Variants in RIMS1 observed in about 807,000 individuals in gnomAD.
The protein encoded by RIMS1 is regulating synaptic membrane exocytosis protein 1.
Under a neutral mutation model 214.1 loss-of-function variants are expected in RIMS1, and 83 were observed. The observed-to-expected ratio is 0.39, with a 90% CI of 0.32 to 0.47. RIMS1 has a LOEUF of 0.47. RIMS1 is among the 20% of genes least tolerant of loss of function. RIMS1 has a pLI of 0.99. For synonymous variants in RIMS1, 793 were observed against 786.8 expected (o/e 1.01, Z -0.13); for missense variants, 2,050 against 2,161.8 (o/e 0.95, Z 1.03).
chr6:71,992,015 G>T (rs1446632819), intron 2 of RIMS1, among the ~76,000 whole-genome samples: 1 of 151,936 alleles, frequency 6.6e-6, no homozygotes, highest in Non-Finnish European at 1.5e-5. Flanking sequence ...AGTGAGCTGA[G>T]ATCACGCCAC....
At chr6:72,357,206 G>C (rs566666647) in intron 29 of RIMS1, among the ~76,000 whole-genome samples, 3 of 152,190 alleles carry the variant, frequency 2.0e-5, no homozygotes, top group Non-Finnish European at 2.9e-5. Context: ...TAACCTTGCA[G>C]GTTTGGGGTG....
At chr6:72,162,999 A>T (rs1204953950) in intron 4 of RIMS1, among the ~76,000 whole-genome samples, 2 of 131,106 alleles carry the variant, frequency 1.5e-5, no homozygotes, top group African/African-American at 5.0e-5. Flanking sequence ...ACTTGGTTCC[A>T]TGCTCCCCGT....
intron 29 of RIMS1, among the ~76,000 whole-genome samples, chr6:72,357,129 A>G (rs2097673038): frequency 6.6e-6 from 1 of 152,188 alleles, no homozygotes; most frequent in Non-Finnish European, 1.5e-5. Context: ...TATTGAGTTC[A>G]GTTTAGCCTG....
intron 1 of RIMS1, among the ~76,000 whole-genome samples, chr6:71,922,217 A>G (rs1780213560): frequency 6.6e-6 from 1 of 152,224 alleles, no homozygotes; most frequent in Admixed American, 6.5e-5. Flanking sequence ...CAATGGCATT[A>G]ATACACTCAC....
chr6:71,938,422 A>G (rs915724703), intron 1 of RIMS1, among the ~76,000 whole-genome samples: 4 of 152,182 alleles, frequency 2.6e-5, no homozygotes, highest in Admixed American at 2.6e-4. Flanking sequence ...ACCCCACAAT[A>G]GTTTCTGTCC....
intron 4 of RIMS1, among the ~76,000 whole-genome samples, chr6:72,116,617 T>C (rs2037128916): frequency 6.6e-6 from 1 of 151,988 alleles, no homozygotes; most frequent in Non-Finnish European, 1.5e-5. Context: ...AGAGAGTAAA[T>C]ATCTTAGGCT....
chr6:72,140,133 T>C lies in RIMS1; in HGVS notation c.472-39442T>C, dbSNP rs371690078. On this transcript the variant is annotated intron_variant, in intron 4 of 33. Transcript: ENST00000521978. Reference sequence around the variant, plus strand: ...GGAGCTATCTTGGTTTAGAAAACTGTTCTGATCAGTAATCTATAAAAGACT... The same window carrying C: ...GGAGCTATCTTGGTTTAGAAAACTGCTCTGATCAGTAATCTATAAAAGACT... 2.4e-3 allele frequency among the ~76,000 whole-genome samples: 364 copies of C among 152,280 alleles called. 1 individual carries two copies. The highest frequency in any genetic ancestry group is 0.02 in the Middle Eastern group (6 of 294).
intron 2 of RIMS1, among the ~76,000 whole-genome samples, chr6:71,985,925 T>G (rs1191945449): frequency 1.3e-5 from 2 of 152,184 alleles, no homozygotes; most frequent in Non-Finnish European, 2.9e-5. Flanking sequence ...CTAGGCAGGG[T>G]TAGTCTCTCT....
intron 18 of RIMS1, among the ~76,000 whole-genome samples, chr6:72,260,030 A>G (rs2077302917): frequency 6.6e-6 from 1 of 152,106 alleles, no homozygotes; most frequent in Non-Finnish European, 1.5e-5. Context: ...TACTAGGATG[A>G]AGAGCTGCTC....
chr6:72,228,454 T>G (rs1296031604), intron 6 of RIMS1, among the ~76,000 whole-genome samples: 3 of 151,976 alleles, frequency 2.0e-5, no homozygotes, highest in South Asian at 2.1e-4. Flanking sequence ...CTTATTTCAC[T>G]TAGCACAATG....
chr6:72,156,853 T>C (rs1457310388), intron 4 of RIMS1, among the ~76,000 whole-genome samples: 2 of 141,082 alleles, frequency 1.4e-5, no homozygotes, highest in African/African-American at 2.5e-5. Flanking sequence ...CACATGTAAT[T>C]AAACATTTTA....
intron 29 of RIMS1, among the ~76,000 whole-genome samples, chr6:72,358,873 T>C (rs1041244007): frequency 1.3e-5 from 2 of 152,252 alleles, no homozygotes; most frequent in African/African-American, 4.8e-5. Context: ...CCTAAGTCCA[T>C]AGGTAGGTCT....
chr6:72,293,545 C>A (rs1160209109), intron 26 of RIMS1, among the ~76,000 whole-genome samples: 1 of 151,894 alleles, frequency 6.6e-6, no homozygotes, highest in African/African-American at 2.4e-5. Flanking sequence ...CTCGGTCTTA[C>A]CGATCATATT....
At chr6:72,105,932 T>C (rs1021021891) in intron 4 of RIMS1, among the ~76,000 whole-genome samples, 2 of 152,140 alleles carry the variant, frequency 1.3e-5, no homozygotes, top group South Asian at 2.1e-4. Context: ...TTTGAAGATA[T>C]TTTTTAAATT....
chr6:71,964,825 ATTTGGGGTACTT>A, intron 1 of RIMS1, among the ~76,000 whole-genome samples: 1 of 152,308 alleles, frequency 6.6e-6, no homozygotes, highest in Middle Eastern at 3.4e-3. Context: ...TGTTGCATGT[ATTTGGGGTACTT>A]TATGGTTAAT....
intron 2 of RIMS1, among the ~76,000 whole-genome samples, chr6:71,973,535 C>A (rs1162599202): frequency 6.6e-6 from 1 of 152,094 alleles, no homozygotes; most frequent in African/African-American, 2.4e-5. Flanking sequence ...TGACCAAATG[C>A]CCCTCTCAAA....
At chr6:72,102,242 A>T (rs2033772203) in intron 4 of RIMS1, among the ~76,000 whole-genome samples, 1 of 151,904 alleles carries the variant, frequency 6.6e-6, no homozygotes, top group South Asian at 2.1e-4. Context: ...TTTAGTAAGG[A>T]TGATTGGTTG....
intron 2 of RIMS1, among the ~76,000 whole-genome samples, chr6:72,011,896 C>T (rs1810769342): frequency 1.3e-5 from 2 of 152,154 alleles, no homozygotes; most frequent in Non-Finnish European, 2.9e-5. Context: ...GGTAAACTAG[C>T]TCAACCATTG....
At chr6:71,896,041 A>G (rs1771651777) in intron 1 of RIMS1, among the ~76,000 whole-genome samples, 1 of 152,098 alleles carries the variant, frequency 6.6e-6, no homozygotes, top group Non-Finnish European at 1.5e-5. Flanking sequence ...TTCTTTCCTA[A>G]CCCCTTTGTT....
Sources: gnomAD v4.1 joint callset for allele counts (sites outside exome capture counted in the v4.1 genomes callset) on GRCh38, gnomAD v4.1.1 for gene constraint, MANE v1.5 for transcripts, NCBI Gene and HGNC (gene_info 2026-07-23, HGNC 2026-07-21) for gene names.